RPF2: variants seen among roughly 807,000 people sequenced by gnomAD.
RPF2 encodes the protein brix domain containing 1.
A neutral mutation model predicts 38.9 loss-of-function variants in RPF2; 21 were observed. That is an observed-to-expected ratio of 0.54 (90% CI 0.38 to 0.78). The LOEUF is 0.78. RPF2 is among the 30% of genes least tolerant of loss of function. RPF2 has a pLI of 0.00. For synonymous variants in RPF2, 121 were observed against 126.2 expected, an observed-to-expected ratio of 0.96 and a Z score of 0.28; for missense variants, 314 against 358.1, an observed-to-expected ratio of 0.88 and a Z score of 0.99.
intron 6 of RPF2, among the ~76,000 whole-genome samples, chr6:111,005,530 A>G (rs945534670): frequency 1.3e-4 from 20 of 152,330 alleles, no homozygotes; most frequent in Admixed American, 1.2e-3. Context: ...GAGTTTCAAC[A>G]TTGCTGATGA....
chr6:111,022,124 A>C (rs942233413), intron 8 of RPF2, among the ~76,000 whole-genome samples: 1 of 152,250 alleles, frequency 6.6e-6, no homozygotes, highest in Non-Finnish European at 1.5e-5. Context: ...GTGCCTTTGC[A>C]CAATGGTTAG....
In RPF2 at chr6:111,002,461, C is replaced by T. The variant is rs527763519; in HGVS notation, c.393+2674C>T. Among the ~76,000 whole-genome samples, 6 of 152,154 alleles carry T rather than the reference C, an allele frequency of 3.9e-5. No homozygotes were observed. In the South Asian group the frequency reaches 1.2e-3, roughly 32 times the overall value. On this transcript the variant is annotated intron_variant, in intron 6 of 9. Transcript: ENST00000441448. ...GCTCAGGCTATCCTGCCTCAGTCTCCTGAGTAGCTAGGACTGCAGGTGTGT... is the reference window on the plus strand; with the variant it reads ...GCTCAGGCTATCCTGCCTCAGTCTCTTGAGTAGCTAGGACTGCAGGTGTGT...
rs1772321285 is a variant in RPF2 at position 111,025,985 on chromosome 6, A to G, written c.*403A>G. On this transcript the variant is annotated 3_prime_UTR_variant, in exon 10 of 10. Transcript: ENST00000441448. ...ACCTGGAAAGTTAACCTCCTCTCCC[A>G]ACATGGATCTACATTCTGATTTTTA... 1 of 153,022 alleles carries G rather than the reference A, an allele frequency of 6.5e-6. No individual in the cohort carries two copies. Among genetic ancestry groups the G allele is most frequent in the Admixed American group, 6.5e-5 (1 of 15,286 alleles). 9.5% of individuals were successfully genotyped at this position (153,022 alleles called of 1,614,324 possible).
intron 6 of RPF2, among the ~76,000 whole-genome samples, chr6:111,000,559 A>G (rs969821583): frequency 6.6e-6 from 1 of 152,196 alleles, no homozygotes; most frequent in Non-Finnish European, 1.5e-5. Context: ...CTTTGTTTTA[A>G]TGATATTATG....
chr6:110,982,512 A>G (rs1771449910), intron 1 of RPF2: 2 of 250,446 alleles, frequency 8.0e-6, no homozygotes, highest in South Asian at 6.5e-5. Context: ...GGGTCATTAA[A>G]TATCTCTAAA....
chr6:110,994,734 T>TATACAC (rs1436106936), intron 4 of RPF2, among the ~76,000 whole-genome samples: 43 of 134,138 alleles, frequency 3.2e-4, no homozygotes, highest in Middle Eastern at 7.2e-3. Flanking sequence ...TGAGTATATA[T>TATACAC]ACACACACAC....
At chr6:110,992,046 C>T (rs543357366) in intron 4 of RPF2, among the ~76,000 whole-genome samples, 7 of 152,124 alleles carry the variant, frequency 4.6e-5, no homozygotes, top group Non-Finnish European at 1.0e-4. Flanking sequence ...GTGGCTCACG[C>T]CTGTAATCCT....
At chr6:111,006,379 C>T (rs1027910591) in intron 6 of RPF2, among the ~76,000 whole-genome samples, 3 of 151,650 alleles carry the variant, frequency 2.0e-5, no homozygotes, top group Non-Finnish European at 4.4e-5. Flanking sequence ...GGACTACAGG[C>T]GTGTACCACC....
chr6:111,015,395 G>A (rs533184927), intron 7 of RPF2, among the ~76,000 whole-genome samples: 2 of 152,174 alleles, frequency 1.3e-5, no homozygotes, highest in South Asian at 4.1e-4. Flanking sequence ...AATTTGAACA[G>A]CCATTTTTAT....
In RPF2 at chr6:110,985,130, A is replaced by G; in HGVS notation, c.148A>G (p.Lys50Glu). 6.2e-7 allele frequency: 1 copy of G among 1,613,390 alleles called. No homozygotes were observed. The highest frequency in any genetic ancestry group is 1.1e-5 in the South Asian group (1 of 90,994). Reference sequence around the variant, plus strand: ...AAATGCAACAGTGACAAAAGTACTTAAAGATGTGGTAAGTATATATACTTA... The same window carrying G: ...AAATGCAACAGTGACAAAAGTACTTGAAGATGTGGTAAGTATATATACTTA... ...NANATVTKVL[K>E]DVYALKKPYG... Residue 50 changes from lysine (K) to glutamate (E), a missense_variant, in exon 2 of 10, where the codon AAA becomes GAA. Transcript: ENST00000441448.
At position 111,026,515 on chromosome 6, in the gene RPF2, T is replaced by C. The variant is rs1299806361; in HGVS notation, c.*933T>C. 1 of 152,280 alleles carries C rather than the reference T, an allele frequency of 6.6e-6. No homozygotes were observed. Among genetic ancestry groups the C allele is most frequent in the Middle Eastern group, 3.1e-3 (1 of 318 alleles). The allele number at this position is 152,280 out of a possible 1,614,324, so 9.4% of individuals were successfully genotyped here. On this transcript the variant is annotated 3_prime_UTR_variant, in exon 10 of 10. Transcript: ENST00000441448. The stretch of plus-strand genomic sequence containing the variant: ...ACTGCACCTGGCAGAAAAGAAGTTT[T>C]GATAGGGGCAGAAATGAAAAAGGAG...
intron 3 of RPF2, among the ~76,000 whole-genome samples, chr6:110,990,702 A>G (rs1771606108): frequency 6.6e-6 from 1 of 151,630 alleles, no homozygotes; most frequent in Non-Finnish European, 1.5e-5. Context: ...CTCCTGCCTC[A>G]GCCTCCTGAG....
rs1415931520 is a variant in RPF2 at position 111,026,998 on chromosome 6, C to T, written c.*1416C>T. The T allele has an allele frequency of 6.6e-6, 1 of 152,304 alleles. No individual in the cohort carries two copies. The highest frequency in any genetic ancestry group is 1.5e-5 in the Non-Finnish European group (1 of 68,112). 9.4% of individuals were successfully genotyped at this position (152,304 alleles called of 1,614,324 possible). ...GGTTCAAGCATTCTTCTGCCTCAGC[C>T]TCCCGAGTAGCTGGGATTACAGGCA... On this transcript the variant is annotated 3_prime_UTR_variant, in exon 10 of 10. Transcript: ENST00000441448.
In RPF2 at chr6:111,027,394, G is replaced by A. The variant is rs1772351897; in HGVS notation, c.*1812G>A. The A allele has an allele frequency of 1.3e-5, 2 of 152,214 alleles. No individual in the cohort carries two copies. The highest frequency in any genetic ancestry group is 1.3e-4 in the Admixed American group (2 of 15,274). The allele number at this position is 152,214 out of a possible 1,614,324, so 9.4% of individuals were successfully genotyped here. ...AAATGAGAAGAAGGGGCTCAGATAA[G>A]TCGTTTGCTGCCATCTGGAGGTAGA... On this transcript the variant is annotated 3_prime_UTR_variant, in exon 10 of 10. Transcript: ENST00000441448.
rs1281630044 is a variant in RPF2 at position 111,025,578 on chromosome 6, AT to A, written c.919del (p.Ter307AspfsTer4). 6.2e-7 allele frequency: 1 copy of A among 1,604,300 alleles called. No homozygotes were observed. Among genetic ancestry groups the A allele is most frequent in the East Asian group, 2.2e-5 (1 of 44,724 alleles). On this transcript the variant is annotated frameshift_variant, in exon 10 of 10. Coordinates refer to ENST00000441448, the MANE Select transcript of RPF2 (RefSeq NM_032194.3). LOFTEE classifies it high-confidence loss of function. ...HEKKSKRIKK[N>X] Reference sequence around the variant, plus strand: ...AAAAAGTCAAAAAGAATTAAAAAAAATTGATGGAACTTAGCCAGCCACTACT... The same window carrying A: ...AAAAAGTCAAAAAGAATTAAAAAAAATGATGGAACTTAGCCAGCCACTACT...
intron 5 of RPF2, among the ~76,000 whole-genome samples, chr6:110,998,944 C>CAAA (rs34900246): frequency 1.2e-5 from 1 of 86,168 alleles, no homozygotes; most frequent in Non-Finnish European, 2.6e-5. Flanking sequence ...GTCTTCATCT[C>CAAA]AAAAAAAAAA....
At chr6:110,992,166 C>T (rs776293632) in intron 4 of RPF2, among the ~76,000 whole-genome samples, 10 of 152,088 alleles carry the variant, frequency 6.6e-5, no homozygotes, top group Non-Finnish European at 1.3e-4. Flanking sequence ...AAAAATTAGC[C>T]GGGCGTGATG....
At chr6:110,983,326 G>A (rs183542727) in intron 1 of RPF2, among the ~76,000 whole-genome samples, 1 of 151,034 alleles carries the variant, frequency 6.6e-6, no homozygotes, top group Non-Finnish European at 1.5e-5. Context: ...TGGTCTAGAC[G>A]AATTTTTAAA....
Position 111,024,338 on chromosome 6 carries a change from T to C in RPF2, c.741+11T>C, listed in dbSNP as rs1351672852. 6.3e-7 allele frequency: 1 copy of C among 1,585,752 alleles called. No individual in the cohort carries two copies. Among genetic ancestry groups the C allele is most frequent in the South Asian group, 1.2e-5 (1 of 86,246 alleles). On this transcript the variant is annotated intron_variant, in intron 9 of 9. Coordinates refer to ENST00000441448, the MANE Select transcript of RPF2 (RefSeq NM_032194.3). Reference sequence around the variant, plus strand: ...CCAAAAGCTCTCAAGGTATATAACTTAGAGCTTGGTACCACATTTATTTGT... The same window carrying C: ...CCAAAAGCTCTCAAGGTATATAACTCAGAGCTTGGTACCACATTTATTTGT...
Sources: gnomAD v4.1 joint callset for allele counts (sites outside exome capture counted in the v4.1 genomes callset) on GRCh38, gnomAD v4.1.1 for gene constraint, MANE v1.5 for transcripts, NCBI Gene and HGNC (gene_info 2026-07-23, HGNC 2026-07-21) for gene names.